The following CIT variants were observed in gnomAD, a reference collection of about 807,000 sequenced individuals.
CIT encodes citron Rho-interacting kinase.
Under a neutral mutation model 272.7 loss-of-function variants are expected in CIT, and 79 were observed. The observed-to-expected ratio is 0.29, with a 90% CI of 0.24 to 0.35. CIT has a LOEUF of 0.35. Among genes scored for constraint, CIT ranks in the 10% least tolerant of loss-of-function variants. CIT has a pLI of 1.00. For synonymous variants in CIT, 948 were observed against 995.6 expected (o/e 0.95, Z 0.90); for missense variants, 1,909 against 2,618.3 (o/e 0.73, Z 5.91).
rs201159552 is a variant in CIT, at chr12:119,718,805, C to T, written c.3897G>A (p.Gln1299=). 1 of 1,614,204 alleles carries T rather than the reference C, an allele frequency of 6.2e-7. No homozygotes were observed. Among genetic ancestry groups the T allele is most frequent in the African/African-American group, 1.3e-5 (1 of 75,050 alleles). The change falls in exon 31 of 48, where the codon CAG becomes CAA. Residue 1299 remains glutamine, a synonymous_variant. Transcript: ENST00000392521. This position sits in a 1 kb window ranked among gnomAD's most constrained non-coding sequence, Gnocchi z 4.8. ...CCAGGGCCAGCTTCAGCTCATTGTA[C>T]TGCAGAGGAACCTGTGTGGGTAAAG... is the stretch of plus-strand genomic sequence containing the variant. The part of the protein sequence containing the change: ...DPALPTQVPL[Q]YNELKLALEK...
At position 119,720,483 on chromosome 12, in the gene CIT, T is replaced by C; in HGVS notation, c.3835A>G (p.Lys1279Glu). Residue 1279 changes from lysine to glutamate, a missense_variant, in exon 30 of 48, where the codon AAA becomes GAA. Transcript: ENST00000392521. ...TTTCAAACACTTTGACTCACCTTTTTCTTTTTAGCAGGTTGGTCCATTTTG... is the reference window on the plus strand; with the variant it reads ...TTTCAAACACTTTGACTCACCTTTTCCTTTTTAGCAGGTTGGTCCATTTTG... Reference protein sequence around the residue: ...QAKMDQPAKKKKGLFSRRKED... With the variant: ...QAKMDQPAKKEKGLFSRRKED... 2 of 1,606,642 alleles carry C rather than the reference T, an allele frequency of 1.2e-6. No homozygotes were observed. The highest frequency in any genetic ancestry group is 1.7e-6 in the Non-Finnish European group (2 of 1,177,138).
intron 18 of CIT, among the ~76,000 whole-genome samples, chr12:119,769,109 A>C (rs2137568045): frequency 6.6e-6 from 1 of 151,140 alleles, no homozygotes; most frequent in Non-Finnish European, 1.5e-5. Flanking sequence ...GGTCTTCATA[A>C]GATAGCACAG....
intron 9 of CIT, among the ~76,000 whole-genome samples, chr12:119,819,336 C>G (rs528863667): frequency 6.6e-6 from 1 of 152,118 alleles, no homozygotes; most frequent in South Asian, 2.1e-4. Flanking sequence ...CTGCCTGCAG[C>G]AACCCCAAGA....
chr12:119,872,205 T>C lies in CIT; in HGVS notation c.97-3004A>G, dbSNP rs116201228. Among the ~76,000 whole-genome samples the C allele has an allele frequency of 7.7e-3, 1,178 of 152,322 alleles. 13 individuals carry two copies. Among genetic ancestry groups the C allele is most frequent in the African/African-American group, 0.027 (1,113 of 41,576 alleles). On this transcript the variant is annotated intron_variant, in intron 2 of 47. Coordinates refer to ENST00000392521, the MANE Select transcript of CIT (RefSeq NM_001206999.2). ...ATGAAATACAAGGGCCAGAAAATAA[T>C]AGGTCTTTCTTTTTATTTTTTTTTT...
At chr12:119,876,232 G>T in intron 1 of CIT, 51 bp from the exon 2 acceptor site, 1 of 1,188,850 alleles carries the variant, frequency 8.4e-7, no homozygotes, top group African/African-American at 1.5e-5. Flanking sequence ...GAGCAGGAAG[G>T]GCCTGAGAGA....
rs1453657426 is a variant in CIT, at chr12:119,768,844, A to G, written c.2209-1662T>C. On this transcript the variant is annotated intron_variant, in intron 18 of 47. Transcript: ENST00000392521. This position sits in a 1 kb window ranked among gnomAD's most constrained non-coding sequence, Gnocchi z 4.3. Reference sequence around the variant, plus strand: ...CAGAATAGCAAATATTTTAAAGCCAATGACATTTGGCGATGTATGTTCAGG... The same window carrying G: ...CAGAATAGCAAATATTTTAAAGCCAGTGACATTTGGCGATGTATGTTCAGG... Among the ~76,000 whole-genome samples the G allele has an allele frequency of 6.6e-6, 1 of 152,224 alleles. No homozygotes were observed. The highest frequency in any genetic ancestry group is 1.5e-5 in the Non-Finnish European group (1 of 68,040).
intron 9 of CIT, among the ~76,000 whole-genome samples, chr12:119,813,462 G>A (rs184268905): frequency 6.6e-6 from 1 of 152,244 alleles, no homozygotes; most frequent in East Asian, 1.9e-4. Context: ...TTCACCCTCA[G>A]AAAATGAGCA....
Position 119,771,356 on chromosome 12 carries a change from A to AG in CIT, c.2083-447dup, listed in dbSNP as rs533682675. On this transcript the variant is annotated intron_variant, in intron 17 of 47. Transcript: ENST00000392521. ...GACATCAGAGAGGCGTGAGCTCTGG[A>AG]GGGGGGTGGTATATGGTGTTTTGCA... Among the ~76,000 whole-genome samples, 60 of 152,124 alleles carry AG rather than the reference A, an allele frequency of 3.9e-4. No individual in the cohort carries two copies. In the East Asian group the frequency reaches 0.011, roughly 27 times the overall value.
chr12:119,708,114 G>A, intron 40 of CIT, 65 bp downstream of exon 40: 2 of 1,421,062 alleles, frequency 1.4e-6, no homozygotes, highest in Non-Finnish European at 1.9e-6. Context: ...AACGAGCTCT[G>A]TGGGAAGAGA....
At chr12:119,689,907 C>A (rs1042942532) in intron 47 of CIT, among the ~76,000 whole-genome samples, 1 of 152,054 alleles carries the variant, frequency 6.6e-6, no homozygotes, top group Admixed American at 6.5e-5. Context: ...TCTCGATTTC[C>A]TGACCTCGTG....
chr12:119,712,229 T>C lies in CIT; in HGVS notation c.4803A>G (p.Glu1601=), dbSNP rs1490746908. The change falls in exon 37 of 48, where the codon GAA becomes GAG. Residue 1601 remains glutamate (E), a synonymous_variant. Transcript: ENST00000392521. The surrounding 1 kb of genome is among the most constrained non-coding windows in gnomAD (Gnocchi z 5.2). ...PDKQRWVTAL[E]SVVAGGRVSR... ...AAACTCTCCCACCTGCGACAACTGA[T>C]TCTAAGGCGGTGACCCAGCGCTGTT... 6.2e-7 allele frequency: 1 copy of C among 1,612,982 alleles called. No homozygotes were observed. Among genetic ancestry groups the C allele is most frequent in the Admixed American group, 1.7e-5 (1 of 59,762 alleles).
intron 9 of CIT, among the ~76,000 whole-genome samples, chr12:119,816,854 T>A (rs563668199): frequency 7.9e-5 from 12 of 152,298 alleles, no homozygotes; most frequent in African/African-American, 2.9e-4. Context: ...CTAGAGTCAT[T>A]TTTGGTTGTT....
In CIT at chr12:119,718,748, C is replaced by T. The variant is rs752035943; in HGVS notation, c.3954G>A (p.Glu1318=). 2 of 1,614,134 alleles carry T rather than the reference C, an allele frequency of 1.2e-6. No individual in the cohort carries two copies. The highest frequency in any genetic ancestry group is 1.1e-5 in the South Asian group (1 of 91,086). ...CGATGCGGGTCTTCTGAAGGGCTTC[C>T]TCTAGCTCTGCACAGCGAGCTTTCT... is the stretch of plus-strand genomic sequence containing the variant. ...EKEKARCAEL[E]EALQKTRIEL... The change falls in exon 31 of 48, where the codon GAG becomes GAA. Residue 1318 remains glutamate (E), a synonymous_variant. Coordinates refer to ENST00000392521, the MANE Select transcript of CIT (RefSeq NM_001206999.2). This position sits in a 1 kb window ranked among gnomAD's most constrained non-coding sequence, Gnocchi z 4.8.
chr12:119,780,507 C>G (rs1964190087), intron 13 of CIT, among the ~76,000 whole-genome samples: 1 of 152,090 alleles, frequency 6.6e-6, no homozygotes, highest in Admixed American at 6.5e-5. Flanking sequence ...GTCCCAGCTA[C>G]TCAGGAGGCT....
At chr12:119,863,516 T>C (rs1055738649) in intron 3 of CIT, among the ~76,000 whole-genome samples, 1 of 137,576 alleles carries the variant, frequency 7.3e-6, no homozygotes, top group African/African-American at 3.2e-5. Flanking sequence ...AAATAAAAGT[T>C]TTTTTTTGTT....
At chr12:119,807,424 G>A (rs967154928) in intron 9 of CIT, among the ~76,000 whole-genome samples, 1 of 151,970 alleles carries the variant, frequency 6.6e-6, no homozygotes, top group African/African-American at 2.4e-5. Context: ...TCTATTTCTT[G>A]TACCTTATAT....
intron 18 of CIT, among the ~76,000 whole-genome samples, chr12:119,769,520 C>A (rs903279049): frequency 2.0e-5 from 3 of 152,170 alleles, no homozygotes; most frequent in Non-Finnish European, 4.4e-5. Context: ...CAGAGAAACA[C>A]TTTGCAACCA....
intron 7 of CIT, among the ~76,000 whole-genome samples, chr12:119,829,456 G>A (rs2138095337): frequency 6.6e-6 from 1 of 151,958 alleles, no homozygotes; most frequent in South Asian, 2.1e-4. Flanking sequence ...AGTTGCCTAG[G>A]GCATAAGCAT....
chr12:119,693,257 T>C (rs895867532), intron 46 of CIT, among the ~76,000 whole-genome samples: 1 of 152,196 alleles, frequency 6.6e-6, no homozygotes, highest in African/African-American at 2.4e-5. Context: ...AGGAGTTACG[T>C]TTCCTGCTCT....
Sources: allele counts gnomAD v4.1 joint callset (sites outside exome capture counted in the v4.1 genomes callset), GRCh38; gene constraint gnomAD v4.1.1; non-coding constraint Gnocchi (gnomAD v3.1); transcripts MANE v1.5; gene names NCBI Gene and HGNC (gene_info 2026-07-23, HGNC 2026-07-21).